Variants in SPATA13 observed in about 807,000 individuals in gnomAD.
SPATA13 encodes spermatogenesis-associated protein 13.
Under a neutral mutation model 104.0 loss-of-function variants are expected in SPATA13, and 50 were observed. The observed-to-expected ratio is 0.48, with a 90% CI of 0.38 to 0.61. The LOEUF is 0.61. SPATA13 is among the 20% of genes least tolerant of loss of function. The pLI, the probability that SPATA13 is intolerant of heterozygous loss-of-function variation, is 0.00. For missense variants in SPATA13, 1,524 were observed against 1,690.6 expected (o/e 0.90, Z 1.73); for synonymous variants, 606 against 667.5 (o/e 0.91, Z 1.42).
intron 2 of SPATA13, among the ~76,000 whole-genome samples, chr13:23,994,557 A>G (rs1329837986): frequency 6.6e-6 from 1 of 152,230 alleles, no homozygotes; most frequent in Non-Finnish European, 1.5e-5. Context: ...GAGATCCTCT[A>G]AGTGTTGGGT....
Position 24,223,360 on chromosome 13 carries a change from T to A in SPATA13, c.431T>A (p.Leu144Gln). The A allele has an allele frequency of 6.4e-7, 1 of 1,551,378 alleles. No individual in the cohort carries two copies. The highest frequency in any genetic ancestry group is 8.7e-7 in the Non-Finnish European group (1 of 1,146,994). The change falls in exon 2 of 13, where the codon CTG becomes CAG. Residue 144 changes from leucine (L) to glutamine (Q), a missense_variant. Leu to Gln is a moderately radical substitution (Grantham distance 113). Around this residue, in one of 2 missense-constraint regions of SPATA13, gnomAD observed 1,089 missense variants for 1,135.9 expected, o/e 0.96. Transcript: ENST00000382108. ...CSKGEASEHG[L>Q]GKSIPNGAVP... ...AAGGGAGAGGCTTCGGAGCATGGCC[T>A]GGGAAAGTCCATCCCAAATGGCGCT...
intron 3 of SPATA13, among the ~76,000 whole-genome samples, chr13:24,086,040 G>C (rs555824383): frequency 7.3e-6 from 1 of 136,364 alleles, no homozygotes; most frequent in African/African-American, 2.7e-5. Flanking sequence ...TGTTGCCAAG[G>C]TGAGTAGCAG....
chr13:24,278,956 CCTTCCT>C (rs1875251804), intron 4 of SPATA13: 2 of 652,732 alleles, frequency 3.1e-6, no homozygotes, highest in African/African-American at 2.4e-5. Flanking sequence ...TTCCCTCCTT[CCTTCCT>C]TCCCTCCTTC....
intron 3 of SPATA13, chr13:24,122,787 A>G: frequency 1.3e-6 from 1 of 782,850 alleles, no homozygotes; most frequent in South Asian, 1.3e-5. Context: ...TAGCTGCCAC[A>G]TCTGTGGAGA....
chr13:24,214,386 A>G (rs1223267037), intron 1 of SPATA13, among the ~76,000 whole-genome samples: 2 of 152,214 alleles, frequency 1.3e-5, no homozygotes, highest in African/African-American at 2.4e-5. Context: ...TCAACTTTAC[A>G]TGTTACCAAG....
At chr13:24,042,443 C>G (rs1877968198) in intron 3 of SPATA13, among the ~76,000 whole-genome samples, 1 of 151,970 alleles carries the variant, frequency 6.6e-6, no homozygotes, top group South Asian at 2.1e-4. Flanking sequence ...CTTCTGTTTC[C>G]AAAGCAAACC....
intron 3 of SPATA13, among the ~76,000 whole-genome samples, chr13:24,083,958 A>G (rs1879632109): frequency 1.3e-5 from 2 of 152,184 alleles, no homozygotes; most frequent in Admixed American, 6.5e-5. Context: ...TGCAATATGC[A>G]TGGATTTTAG....
chr13:24,238,158 A>ACAGACTCTTGCTCTATATCC, intron 2 of SPATA13, among the ~76,000 whole-genome samples: 1 of 89,228 alleles, frequency 1.1e-5, no homozygotes, highest in Non-Finnish European at 2.0e-5. Context: ...TTTTTTTGAG[A>ACAGACTCTTGCTCTATATCC]CAGACTCTTG....
Position 24,306,242 on chromosome 13 carries a change from C to T in SPATA13, c.*3469C>T, listed in dbSNP as rs1378823035. ...CACAATATAAGTATTTTGTAAAAGCCAGCTGAACCAGCATTTTATCAGGTG... is the reference window on the plus strand; with the variant it reads ...CACAATATAAGTATTTTGTAAAAGCTAGCTGAACCAGCATTTTATCAGGTG... On this transcript the variant is annotated 3_prime_UTR_variant, in exon 13 of 13. Coordinates refer to ENST00000382108, the MANE Select transcript of SPATA13 (RefSeq NM_001166271.3). The T allele has an allele frequency of 1.3e-5, 2 of 152,128 alleles. No homozygotes were observed. The highest frequency in any genetic ancestry group is 1.3e-4 in the Admixed American group (2 of 15,270). 9.4% of individuals were successfully genotyped at this position (152,128 alleles called of 1,614,324 possible).
At chr13:24,219,954 C>A (rs1027667514) in intron 1 of SPATA13, among the ~76,000 whole-genome samples, 3 of 152,160 alleles carry the variant, frequency 2.0e-5, no homozygotes, top group Non-Finnish European at 4.4e-5. Flanking sequence ...TCCTGAGATA[C>A]CCTTCATTCC....
intron 1 of SPATA13, among the ~76,000 whole-genome samples, chr13:24,222,549 C>T (rs1335761993): frequency 6.6e-6 from 1 of 151,932 alleles, no homozygotes; most frequent in Admixed American, 6.5e-5. Context: ...CGGTTTTTTT[C>T]CTAGTCTCAC....
chr13:24,020,089 C>T (rs1009430443), intron 3 of SPATA13, among the ~76,000 whole-genome samples: 2 of 152,224 alleles, frequency 1.3e-5, no homozygotes, highest in Admixed American at 6.5e-5. Context: ...CCAAGCCTCA[C>T]CGACAGCCAG....
chr13:24,172,131 C>T (rs1478223036), intron 1 of SPATA13, among the ~76,000 whole-genome samples: 1 of 152,140 alleles, frequency 6.6e-6, no homozygotes, highest in Non-Finnish European at 1.5e-5. Flanking sequence ...TTCCTCTGTC[C>T]CACCCTGCCT....
rs1566140705 is a variant in SPATA13 at position 24,189,868 on chromosome 13, A to ATATT, written c.-112+28936_-112+28937insTATT. 1.7e-3 allele frequency among the ~76,000 whole-genome samples: 42 copies of ATATT among 25,234 alleles called. 12 individuals carry two copies. Among genetic ancestry groups the ATATT allele is most frequent in the Non-Finnish European group, 3.1e-3 (22 of 7,178 alleles). 16.6% of individuals were successfully genotyped at this position (25,234 alleles called of 152,430 possible). On this transcript the variant is annotated intron_variant, in intron 1 of 12. Coordinates refer to ENST00000382108, the MANE Select transcript of SPATA13 (RefSeq NM_001166271.3). ...TATATTATATTAATATATCATATAT[A>ATATT]ATATAATTATATATCATAATATATA...
intron 8 of SPATA13, 72 bp downstream of exon 8, chr13:24,289,250 A>G: frequency 7.8e-7 from 1 of 1,278,114 alleles, no homozygotes; most frequent in Non-Finnish European, 1.1e-6. Context: ...CACAGAAAAC[A>G]GGAGTCTCTT....
At chr13:24,002,676 G>A (rs979511493) in intron 2 of SPATA13, among the ~76,000 whole-genome samples, 1 of 152,092 alleles carries the variant, frequency 6.6e-6, no homozygotes. Flanking sequence ...CGCAAGCCTC[G>A]TCCGGCTCCT....
At chr13:24,216,603 C>T (rs527394769) in intron 1 of SPATA13, among the ~76,000 whole-genome samples, 1 of 152,092 alleles carries the variant, frequency 6.6e-6, no homozygotes, top group Non-Finnish European at 1.5e-5. Context: ...ACAGAGAGAC[C>T]CTGAAGGTAC....
At position 24,286,232 on chromosome 13, in the gene SPATA13, G is replaced by C; in HGVS notation, c.2320G>C (p.Val774Leu). The C allele has an allele frequency of 6.2e-7, 1 of 1,612,818 alleles. No homozygotes were observed. Among genetic ancestry groups the C allele is most frequent in the Non-Finnish European group, 8.5e-7 (1 of 1,179,306 alleles). ...CTTTCAGCTGATCAGTGATGGCAACGTGGTCTGCGCAGAAGCCCTGTGGGA... is the reference window on the plus strand; with the variant it reads ...CTTTCAGCTGATCAGTGATGGCAACCTGGTCTGCGCAGAAGCCCTGTGGGA... Reference protein sequence around the residue: ...AINELISDGNVVCAEALWDHV... With the variant: ...AINELISDGNLVCAEALWDHV... The change falls in exon 6 of 13, where the codon GTG (valine) becomes CTG (leucine). Residue 774 changes from valine to leucine, a missense_variant. Physicochemically the swap from Val to Leu is conservative, Grantham distance 32. Coordinates refer to ENST00000382108, the MANE Select transcript of SPATA13 (RefSeq NM_001166271.3). The surrounding 1 kb of genome is among the most constrained non-coding windows in gnomAD (Gnocchi z 4.9).
Position 24,223,958 on chromosome 13 carries a change from C to T in SPATA13, c.1029C>T (p.Ser343=). 1 of 1,549,790 alleles carries T rather than the reference C, an allele frequency of 6.5e-7. No individual in the cohort carries two copies. The change falls in exon 2 of 13, where the codon TCC becomes TCT. Residue 343 remains serine, a synonymous_variant. Transcript: ENST00000382108. ...AGAGTCCTAGGAGTGGGGCCCCATC[C>T]CCTGGAGAGGCCAGCCTGAGACTTC... ...RRESPRSGAP[S]PGEASLRLQA...
Sources: allele counts gnomAD v4.1 joint callset (sites outside exome capture counted in the v4.1 genomes callset), GRCh38; gene constraint gnomAD v4.1.1; regional missense constraint gnomAD v4.1.1; non-coding constraint Gnocchi (gnomAD v3.1); transcripts MANE v1.5; gene names NCBI Gene and HGNC (gene_info 2026-07-23, HGNC 2026-07-21).